Variants in UGT1A7 observed in about 807,000 individuals in gnomAD.
The protein encoded by UGT1A7 is UDP glucuronosyltransferase family 1 member A7.
In UGT1A7, 33 loss-of-function variants were observed where a neutral mutation model predicts 45.6. The ratio of observed to expected loss-of-function variants is 0.72; its 90% CI spans 0.55 to 0.97. UGT1A7 has a LOEUF of 0.97. UGT1A7 is among the 50% of genes least tolerant of loss of function. The probability of loss-of-function intolerance (pLI) is 0.00; values close to 1 mark genes in which losing one functional copy is unlikely to be tolerated. For missense variants in UGT1A7, 684 were observed against 666.2 expected, an observed-to-expected ratio of 1.03 and a Z score of -0.29; for synonymous variants, 274 against 250.6, an observed-to-expected ratio of 1.09 and a Z score of -0.88.
intron 1 of UGT1A7, among the ~76,000 whole-genome samples, chr2:233,699,227 G>A (rs566093011): frequency 2.6e-5 from 4 of 152,078 alleles, no homozygotes; most frequent in South Asian, 2.1e-4. Flanking sequence ...AAACAAAAAC[G>A]AACTTTTGTT....
At chr2:233,743,990 CG>C in intron 1 of UGT1A7, 1 of 1,267,322 alleles carries the variant, frequency 7.9e-7, no homozygotes, top group Admixed American at 2.4e-5. Context: ...GGCGCAGGCC[CG>C]AGTGCTCGGA....
rs552027394 is a variant in UGT1A7, at chr2:233,768,534, G to A, written c.1295+95G>A. On this transcript the variant is annotated intron_variant, in intron 4 of 4. Transcript: ENST00000373426. ...CATTTACGTAGCATTTAATAGCGTT[G>A]TTTCAAATATAAAAACAAATACATA... 263 of 1,375,928 alleles carry A rather than the reference G, an allele frequency of 1.9e-4. 3 individuals carry two copies. In the South Asian group the frequency reaches 4.1e-3, roughly 21 times the overall value. The allele number at this position is 1,375,928 out of a possible 1,614,324, so 85.2% of individuals were successfully genotyped here.
At chr2:233,718,762 A>T in intron 1 of UGT1A7, 1 of 1,612,640 alleles carries the variant, frequency 6.2e-7, no homozygotes, top group African/African-American at 1.3e-5. Context: ...AGGCGAAGGA[A>T]ACAAATGTAG....
At chr2:233,717,883 G>T (rs778761780) in intron 1 of UGT1A7, 1 of 454,838 alleles carries the variant, frequency 2.2e-6, no homozygotes, top group East Asian at 6.9e-5. Context: ...GAAAAGCCTG[G>T]CCATAATCTT....
intron 1 of UGT1A7, among the ~76,000 whole-genome samples, chr2:233,735,822 A>G (rs1482941738): frequency 6.6e-6 from 1 of 152,164 alleles, no homozygotes. Flanking sequence ...TTCTTTAAGA[A>G]TGTTGAATAT....
chr2:233,698,174 G>T (rs370008696), intron 1 of UGT1A7, among the ~76,000 whole-genome samples: 2 of 152,246 alleles, frequency 1.3e-5, no homozygotes, highest in South Asian at 4.1e-4. Context: ...AGAACATTCT[G>T]TATTATGATA....
chr2:233,697,297 C>T (rs2075383604), intron 1 of UGT1A7, among the ~76,000 whole-genome samples: 1 of 152,076 alleles, frequency 6.6e-6, no homozygotes, highest in African/African-American at 2.4e-5. Context: ...CTTCTTCATT[C>T]AATCTTGGTA....
At chr2:233,714,493 C>T (rs566315166) in intron 1 of UGT1A7, among the ~76,000 whole-genome samples, 3 of 152,194 alleles carry the variant, frequency 2.0e-5, no homozygotes, top group South Asian at 2.1e-4. Flanking sequence ...TGTGAAGACA[C>T]TACTTAAAAA....
At chr2:233,744,678 A>G (rs965177544) in intron 1 of UGT1A7, among the ~76,000 whole-genome samples, 2 of 151,880 alleles carry the variant, frequency 1.3e-5, no homozygotes, top group African/African-American at 2.4e-5. Context: ...CACATCACCC[A>G]TGTAGCTTCT....
At chr2:233,746,500 G>A (rs1693410791) in intron 1 of UGT1A7, among the ~76,000 whole-genome samples, 1 of 151,712 alleles carries the variant, frequency 6.6e-6, no homozygotes, top group African/African-American at 2.4e-5. Context: ...TCACTCTTTA[G>A]TAGCCCCCAA....
At chr2:233,728,809 T>G (rs2077752579) in intron 1 of UGT1A7, among the ~76,000 whole-genome samples, 1 of 152,110 alleles carries the variant, frequency 6.6e-6, no homozygotes, top group African/African-American at 2.4e-5. Flanking sequence ...TAGGAGACAG[T>G]GACATGAAAT....
At chr2:233,762,893 C>G (rs960157189) in intron 1 of UGT1A7, among the ~76,000 whole-genome samples, 1 of 152,100 alleles carries the variant, frequency 6.6e-6, no homozygotes. Context: ...AATTCCATGC[C>G]AAATATCAGG....
At chr2:233,735,436 C>T (rs1234543811) in intron 1 of UGT1A7, among the ~76,000 whole-genome samples, 1 of 152,154 alleles carries the variant, frequency 6.6e-6, no homozygotes, top group Non-Finnish European at 1.5e-5. Flanking sequence ...CTGAATACAG[C>T]ATACCGATGG....
chr2:233,764,150 T>C (rs770421486), intron 1 of UGT1A7, among the ~76,000 whole-genome samples: 21 of 152,376 alleles, frequency 1.4e-4, no homozygotes, highest in Non-Finnish European at 2.4e-4. Flanking sequence ...TCATTTTGGC[T>C]GGTGAAGTCT....
intron 1 of UGT1A7, chr2:233,755,332 C>T (rs556124321): frequency 8.7e-6 from 4 of 459,716 alleles, no homozygotes; most frequent in South Asian, 5.8e-5. Flanking sequence ...CCAGCACCCG[C>T]GCACAGGTCA....
chr2:233,684,117 T>A (rs1300300647), intron 1 of UGT1A7, among the ~76,000 whole-genome samples: 1 of 152,240 alleles, frequency 6.6e-6, no homozygotes, highest in Non-Finnish European at 1.5e-5. Context: ...TTGTTCTGGC[T>A]TCTTACAAAG....
At position 233,681,972 on chromosome 2, in the gene UGT1A7, T is replaced by A. The variant is rs749327361; in HGVS notation, c.35T>A (p.Leu12Gln). 6.2e-7 allele frequency: 1 copy of A among 1,614,142 alleles called. No individual in the cohort carries two copies. Among genetic ancestry groups the A allele is most frequent in the Non-Finnish European group, 8.5e-7 (1 of 1,179,982 alleles). ...GCAGGGTGGACTGGCCTCCTTCCCC[T>A]ATATGTGTGTCTACTGCTGACCTGT... ...ARAGWTGLLP[L>Q]YVCLLLTCGF... The change falls in exon 1 of 5, where the codon CTA becomes CAA. Residue 12 changes from leucine (L) to glutamine (Q), a missense_variant. Leu to Gln is a moderately radical substitution (Grantham distance 113). Coordinates refer to ENST00000373426, the MANE Select transcript of UGT1A7 (RefSeq NM_019077.3).
At chr2:233,692,429 G>A (rs1575447232) in intron 1 of UGT1A7, 1 of 155,914 alleles carries the variant, frequency 6.4e-6, no homozygotes, top group East Asian at 1.9e-4. Flanking sequence ...TCAGACAGAA[G>A]TTGTGGGTAA....
chr2:233,690,554 A>G (rs1232245723), intron 1 of UGT1A7: 1 of 1,289,716 alleles, frequency 7.8e-7, no homozygotes, highest in Non-Finnish European at 1.0e-6. Flanking sequence ...AATATGTCCC[A>G]AGCCTGAGTC....
Sources: allele counts gnomAD v4.1 joint callset (sites outside exome capture counted in the v4.1 genomes callset), GRCh38; gene constraint gnomAD v4.1.1; transcripts MANE v1.5; gene names NCBI Gene and HGNC (gene_info 2026-07-23, HGNC 2026-07-21).